The following TENM1 variants were observed in gnomAD, a reference collection of about 807,000 sequenced individuals.
TENM1 encodes teneurin transmembrane protein 1.
A neutral mutation model predicts 174.8 loss-of-function variants in TENM1; 35 were observed. The observed-to-expected ratio is 0.20, with a 90% CI of 0.15 to 0.27. TENM1 has a LOEUF of 0.27. Among genes scored for constraint, TENM1 ranks in the 10% least tolerant of loss-of-function variants. The probability of loss-of-function intolerance (pLI) is 1.00; values close to 1 mark genes in which losing one functional copy is unlikely to be tolerated. For synonymous variants in TENM1, 781 were observed against 798.7 expected, an observed-to-expected ratio of 0.98 and a Z score of 0.37; for missense variants, 1,633 against 2,130.1, an observed-to-expected ratio of 0.77 and a Z score of 4.59.
At chrX:124,936,409 C>T (rs1295228267) in intron 1 of TENM1, among the ~76,000 whole-genome samples, 2 of 111,820 alleles carry the variant, frequency 1.8e-5, no homozygotes, top group Non-Finnish European at 3.8e-5. Context: ...CTTCCCTGGA[C>T]ACACTAAGTA....
rs1197565450 is a variant in TENM1 at position 124,446,950 on chromosome X, A to T, written c.4104+6387T>A. Among the ~76,000 whole-genome samples the T allele has an allele frequency of 4.5e-5, 5 of 112,291 alleles. No homozygotes were observed. In the Admixed American group the frequency reaches 4.7e-4, roughly 11 times the overall value. The stretch of plus-strand genomic sequence containing the variant: ...TTCTTAAGGTCTGATTCAAATCTTC[A>T]TGTTGCAGCATAGGCCTCTATTTTC... On this transcript the variant is annotated intron_variant, in intron 23 of 31. Coordinates refer to ENST00000422452, the Ensembl canonical transcript of TENM1.
the TENM1 span, among the ~76,000 whole-genome samples, chrX:125,005,838 A>G: frequency 9.0e-6 from 1 of 111,648 alleles, no homozygotes; most frequent in Non-Finnish European, 1.9e-5. Context: ...CCACCTACCC[A>G]GGGTACTACA....
chrX:124,927,717 C>T (rs967600570), intron 1 of TENM1, among the ~76,000 whole-genome samples: 1 of 111,035 alleles, frequency 9.0e-6, no homozygotes, highest in East Asian at 2.8e-4. Context: ...GGGCAGTGGA[C>T]TTTTTGAAAG....
intron 11 of TENM1, among the ~76,000 whole-genome samples, chrX:124,583,754 T>A (rs5911888): frequency 0.23 from 24,638 of 109,024 alleles, 1,993 homozygotes; most frequent in South Asian, 0.41. Flanking sequence ...CAGGAGGAAA[T>A]TAAAACCAAA....
chrX:124,488,047 G>C (rs867767645), intron 20 of TENM1, among the ~76,000 whole-genome samples: 46 of 111,902 alleles, frequency 4.1e-4, no homozygotes, highest in African/African-American at 1.5e-3. Context: ...ACTGGGGTAG[G>C]CACTAGAGGA....
intron 3 of TENM1, among the ~76,000 whole-genome samples, chrX:124,788,609 C>T (rs2055099531): frequency 8.9e-6 from 1 of 112,581 alleles, no homozygotes; most frequent in Non-Finnish European, 1.9e-5. Context: ...AACAAAGGGG[C>T]TACAGGCCCC....
chrX:124,452,842 G>A (rs1456830916), intron 23 of TENM1, among the ~76,000 whole-genome samples: 1 of 82,425 alleles, frequency 1.2e-5, no homozygotes, highest in Non-Finnish European at 2.3e-5. Context: ...CAGGAAGGGG[G>A]ACATCACTCA....
intron 5 of TENM1, among the ~76,000 whole-genome samples, chrX:124,677,036 T>C (rs1362635355): frequency 3.6e-5 from 4 of 110,510 alleles, no homozygotes; most frequent in African/African-American, 1.3e-4. Flanking sequence ...AAAGAAAAAA[T>C]ATAAAAGATC....
chrX:124,645,133 G>T lies in TENM1; in HGVS notation c.1876+10C>A. ...AAGCCTGAAGCAATAGATTAAAATG[G>T]GATTCTGACCTTCCTCGCATATTTC... On this transcript the variant is annotated intron_variant, in intron 10 of 31. Transcript: ENST00000422452. 5 of 1,203,556 alleles carry T rather than the reference G, an allele frequency of 4.2e-6. No homozygotes were observed. The highest frequency in any genetic ancestry group is 5.6e-6 in the Non-Finnish European group (5 of 889,709).
the TENM1 span, among the ~76,000 whole-genome samples, chrX:125,096,092 G>A: frequency 8.9e-6 from 1 of 111,961 alleles, no homozygotes; most frequent in Non-Finnish European, 1.9e-5. Flanking sequence ...AATGAATAAA[G>A]ATGAAGAGAG....
At chrX:125,028,833 A>G in the TENM1 span, among the ~76,000 whole-genome samples, 1 of 111,517 alleles carries the variant, frequency 9.0e-6, no homozygotes, top group East Asian at 2.8e-4. Flanking sequence ...GAAGAATGGC[A>G]TGGGGGGGAC....
the TENM1 span, among the ~76,000 whole-genome samples, chrX:124,994,544 C>T: frequency 9.1e-6 from 1 of 110,345 alleles, no homozygotes; most frequent in Non-Finnish European, 1.9e-5. Flanking sequence ...CCCTCCTGGC[C>T]GTGACAAAAC....
intron 6 of TENM1, among the ~76,000 whole-genome samples, chrX:124,662,324 C>T (rs1348199885): frequency 1.8e-5 from 2 of 108,639 alleles, no homozygotes; most frequent in Non-Finnish European, 3.8e-5. Flanking sequence ...CGTGGTGGTG[C>T]GCGCCTGTAA....
At chrX:124,759,418 C>T (rs2054351951) in intron 3 of TENM1, among the ~76,000 whole-genome samples, 1 of 111,520 alleles carries the variant, frequency 9.0e-6, no homozygotes, top group Non-Finnish European at 1.9e-5. Flanking sequence ...GTGCACCCAT[C>T]ACTCAAGTAG....
chrX:124,657,925 T>A (rs1014045858), intron 6 of TENM1, among the ~76,000 whole-genome samples: 1 of 112,432 alleles, frequency 8.9e-6, no homozygotes, highest in African/African-American at 3.2e-5. Context: ...GCTCAAAATC[T>A]TTAAAAGATA....
At chrX:124,712,342 C>T (rs2053074813) in intron 4 of TENM1, among the ~76,000 whole-genome samples, 1 of 111,090 alleles carries the variant, frequency 9.0e-6, no homozygotes, top group Admixed American at 9.5e-5. Flanking sequence ...TCCACATCCT[C>T]ACCAATACTT....
the TENM1 span, among the ~76,000 whole-genome samples, chrX:125,047,845 G>A: frequency 1.8e-5 from 2 of 110,741 alleles, no homozygotes; most frequent in East Asian, 5.7e-4. Context: ...TAATTTTTAG[G>A]TTAATTGTAA....
At chrX:124,442,319 C>T (rs925213499) in intron 23 of TENM1, among the ~76,000 whole-genome samples, 18 of 112,116 alleles carry the variant, frequency 1.6e-4, no homozygotes, top group Non-Finnish European at 3.2e-4. Flanking sequence ...TGGGAGATCC[C>T]TTTATTCAAG....
chrX:124,685,839 G>T (rs921161278), intron 5 of TENM1, among the ~76,000 whole-genome samples: 1 of 111,867 alleles, frequency 8.9e-6, no homozygotes, highest in South Asian at 3.7e-4. Context: ...GATTACAGGC[G>T]TGAGCCACCG....
Sources: gnomAD v4.1 joint callset for allele counts (sites outside exome capture counted in the v4.1 genomes callset) on GRCh38, gnomAD v4.1.1 for gene constraint, MANE v1.5 for transcripts, NCBI Gene and HGNC (gene_info 2026-07-23, HGNC 2026-07-21) for gene names.